The following SPATA6L variants were observed in gnomAD, a reference collection of about 807,000 sequenced individuals.
SPATA6L encodes the protein spermatogenesis associated 6-like protein.
In SPATA6L, 68 loss-of-function variants were observed where a neutral mutation model predicts 49.2. That is an observed-to-expected ratio of 1.38 (90% CI 1.14 to 1.69). The LOEUF is 1.69. Ranked by LOEUF, SPATA6L falls within the 40% of genes most tolerant of loss-of-function variation. The probability of loss-of-function intolerance (pLI) is 0.00; values close to 1 mark genes in which losing one functional copy is unlikely to be tolerated. For missense variants in SPATA6L, 668 were observed against 464.3 expected, an observed-to-expected ratio of 1.44 and a Z score of -4.03; for synonymous variants, 198 against 165.7, an observed-to-expected ratio of 1.19 and a Z score of -1.50.
intron 3 of SPATA6L, among the ~76,000 whole-genome samples, chr9:4,655,012 G>C (rs1200743365): frequency 6.6e-6 from 1 of 152,078 alleles, no homozygotes; most frequent in Non-Finnish European, 1.5e-5. Context: ...CAGCACTCCT[G>C]TATCAATATG....
rs1317712862 is a variant in SPATA6L, at chr9:4,605,424, G to A, written c.1012C>T (p.Gln338Ter). The A allele has an allele frequency of 1.2e-6, 2 of 1,613,862 alleles. No homozygotes were observed. Among genetic ancestry groups the A allele is most frequent in the South Asian group, 1.1e-5 (1 of 91,084 alleles). ...TCATGGATATTCTTCCATGTGGACT[G>A]AGAACCAGGATGGAACCTGCTCAAC... ...LLRERFHPGS[Q>*]STWKNIHERV... The change falls in exon 10 of 12, where the codon CAG (glutamine) becomes TAG (stop). Residue 338 changes from glutamine (Q) to a stop codon, truncating the protein, a stop_gained. Coordinates refer to ENST00000682582, the MANE Select transcript of SPATA6L (RefSeq NM_001353486.2). LOFTEE classifies it high-confidence loss of function.
At chr9:4,639,843 G>A (rs981148511) in intron 3 of SPATA6L, among the ~76,000 whole-genome samples, 2 of 152,202 alleles carry the variant, frequency 1.3e-5, no homozygotes, top group African/African-American at 4.8e-5. Flanking sequence ...TTGACAGCGC[G>A]CTTCCAGATG....
intron 7 of SPATA6L, among the ~76,000 whole-genome samples, chr9:4,620,667 A>T (rs1303111730): frequency 6.6e-6 from 1 of 152,170 alleles, no homozygotes; most frequent in African/African-American, 2.4e-5. Context: ...CTCTAAATGT[A>T]GGTATGCCAA....
At chr9:4,641,768 G>T (rs1356592172) in intron 3 of SPATA6L, among the ~76,000 whole-genome samples, 1 of 152,126 alleles carries the variant, frequency 6.6e-6, no homozygotes, top group Admixed American at 6.5e-5. Flanking sequence ...ACATCAAATT[G>T]TTTTGTTCTG....
intron 9 of SPATA6L, among the ~76,000 whole-genome samples, chr9:4,612,120 A>G (rs1826905980): frequency 6.6e-6 from 1 of 151,890 alleles, no homozygotes; most frequent in Non-Finnish European, 1.5e-5. Flanking sequence ...GACTACAGGT[A>G]TGCACCACCA....
chr9:4,610,754 A>G (rs1826513129), intron 9 of SPATA6L, among the ~76,000 whole-genome samples: 1 of 151,428 alleles, frequency 6.6e-6, no homozygotes, highest in Non-Finnish European at 1.5e-5. Flanking sequence ...CTTCATGTCT[A>G]AAACACCAAA....
At chr9:4,665,755 C>A (rs1166552301) in intron 1 of SPATA6L, among the ~76,000 whole-genome samples, 1 of 152,104 alleles carries the variant, frequency 6.6e-6, no homozygotes, top group Non-Finnish European at 1.5e-5. Context: ...AATTAGCAAG[C>A]CAGAGCTATC....
chr9:4,662,057 C>T lies in SPATA6L; in HGVS notation c.40-21G>A, dbSNP rs1334165554. 1.2e-6 allele frequency: 2 copies of T among 1,612,126 alleles called. No homozygotes were observed. The highest frequency in any genetic ancestry group is 2.7e-5 in the African/African-American group (2 of 74,806). ...GAAATCTTAAAAAGAAAGAAAACAA[C>T]AAACAAGGGAGAGAAAACAGACTTT... On this transcript the variant is annotated intron_variant, in intron 1 of 11. Coordinates refer to ENST00000682582, the MANE Select transcript of SPATA6L (RefSeq NM_001353486.2). The surrounding 1 kb of genome is among the most constrained non-coding windows in gnomAD (Gnocchi z 4.9).
chr9:4,605,453 T>C lies in SPATA6L; in HGVS notation c.996-13A>G. On this transcript the variant is annotated splice_polypyrimidine_tract_variant and intron_variant, in intron 9 of 11. Transcript: ENST00000682582. The stretch of plus-strand genomic sequence containing the variant: ...ACCAGGATGGAACCTGCTCAACAGA[T>C]GGAACAGGGTGGAATATTAAGCAGC... 1.3e-6 allele frequency: 2 copies of C among 1,588,920 alleles called. No homozygotes were observed. The highest frequency in any genetic ancestry group is 1.1e-5 in the South Asian group (1 of 90,540).
intron 3 of SPATA6L, among the ~76,000 whole-genome samples, chr9:4,641,128 G>T (rs1833942860): frequency 6.6e-6 from 1 of 152,028 alleles, no homozygotes; most frequent in African/African-American, 2.4e-5. Flanking sequence ...GTATATCTTG[G>T]ACTGTCATAT....
chr9:4,641,152 C>A (rs890245267), intron 3 of SPATA6L, among the ~76,000 whole-genome samples: 1 of 151,186 alleles, frequency 6.6e-6, no homozygotes, highest in Admixed American at 6.6e-5. Flanking sequence ...TTTCAAGAGA[C>A]CAGAAAACCA....
intron 2 of SPATA6L, among the ~76,000 whole-genome samples, chr9:4,659,972 A>G (rs376464702): frequency 1.1e-4 from 16 of 152,282 alleles, no homozygotes; most frequent in Middle Eastern, 6.8e-3. Flanking sequence ...AAACTGGCTA[A>G]CCATATGTAG....
At chr9:4,651,537 A>C (rs1299304775) in intron 3 of SPATA6L, among the ~76,000 whole-genome samples, 1 of 152,242 alleles carries the variant, frequency 6.6e-6, no homozygotes, top group Non-Finnish European at 1.5e-5. Flanking sequence ...AAGACATAAC[A>C]AGAAAACAAA....
intron 1 of SPATA6L, chr9:4,663,198 G>A (rs758058742): frequency 1.2e-6 from 2 of 1,614,074 alleles, no homozygotes; most frequent in Non-Finnish European, 1.7e-6. Context: ...GTACAGCATC[G>A]TGGACTATTG....
At chr9:4,626,747 GAAT>G (rs1259168267) in intron 5 of SPATA6L, 7 of 340,938 alleles carry the variant, frequency 2.1e-5, no homozygotes, top group African/African-American at 1.1e-4. Flanking sequence ...AAAGGAAAAT[GAAT>G]GGCCAGACAG....
chr9:4,637,973 T>C lies in SPATA6L; in HGVS notation c.227-2574A>G, dbSNP rs549276472. Among the ~76,000 whole-genome samples the C allele has an allele frequency of 1.1e-4, 17 of 152,266 alleles. 1 individual carries two copies. The South Asian group carries it at 3.5e-3, about 32-fold the overall frequency. On this transcript the variant is annotated intron_variant, in intron 3 of 11. Transcript: ENST00000682582. ...CCAATAATTTATTTTCATTCATACA[T>C]TCAAAAAACACTTCATTCATTGAGA...
chr9:4,622,667 CAT>C (rs1194230714), intron 6 of SPATA6L, among the ~76,000 whole-genome samples, 157 bp from the exon 7 acceptor site: 1 of 152,180 alleles, frequency 6.6e-6, no homozygotes, highest in Non-Finnish European at 1.5e-5. Context: ...AAGTTTGTTA[CAT>C]GTTACACCTA....
chr9:4,654,022 C>T (rs552130620), intron 3 of SPATA6L, among the ~76,000 whole-genome samples: 1 of 152,130 alleles, frequency 6.6e-6, no homozygotes, highest in East Asian at 1.9e-4. Flanking sequence ...AGAAAATACA[C>T]AAATGGCCAA....
intron 3 of SPATA6L, among the ~76,000 whole-genome samples, chr9:4,638,152 C>T (rs1038534195): frequency 6.6e-6 from 1 of 150,934 alleles, no homozygotes; most frequent in African/African-American, 2.5e-5. Flanking sequence ...GAGTAAATTA[C>T]TAGGAATAAA....
Sources: allele counts gnomAD v4.1 joint callset (sites outside exome capture counted in the v4.1 genomes callset), GRCh38; gene constraint gnomAD v4.1.1; non-coding constraint Gnocchi (gnomAD v3.1); transcripts MANE v1.5; gene names NCBI Gene and HGNC (gene_info 2026-07-23, HGNC 2026-07-21).